NAT10: variants seen among roughly 807,000 people sequenced by gnomAD.
NAT10 encodes RNA cytidine acetyltransferase.
Under a neutral mutation model 132.2 loss-of-function variants are expected in NAT10, and 109 were observed. The ratio of observed to expected loss-of-function variants is 0.82; its 90% CI spans 0.71 to 0.97. The LOEUF is 0.97. Ranked by LOEUF, NAT10 falls within the 50% of genes least tolerant of loss-of-function variation. The probability of loss-of-function intolerance (pLI) is 0.00; values close to 1 mark genes in which losing one functional copy is unlikely to be tolerated. For missense variants in NAT10, 1,184 were observed against 1,263.4 expected (o/e 0.94, Z 0.95); for synonymous variants, 479 against 478.0 (o/e 1.00, Z -0.03).
intron 23 of NAT10, 57 bp from the exon 24 acceptor site, chr11:34,140,343 C>A: frequency 6.5e-7 from 1 of 1,534,600 alleles, no homozygotes; most frequent in Admixed American, 1.7e-5. Flanking sequence ...GGGCTGTGTG[C>A]TATCTCATGA....
intron 4 of NAT10, 36 bp downstream of exon 4, chr11:34,112,259 A>T: frequency 6.2e-7 from 1 of 1,613,308 alleles, no homozygotes. Context: ...TTGAAGTCAG[A>T]GTCTTGAGGG....
intron 5 of NAT10, among the ~76,000 whole-genome samples, chr11:34,114,819 T>A (rs575406440): frequency 4.6e-5 from 7 of 152,252 alleles, no homozygotes; most frequent in African/African-American, 1.7e-4. Flanking sequence ...GACCTAAAGT[T>A]ATTATTATTA....
chr11:34,118,363 T>C (rs761415407), intron 7 of NAT10, 33 bp from the exon 8 acceptor site: 2 of 1,611,268 alleles, frequency 1.2e-6, no homozygotes, highest in Non-Finnish European at 8.5e-7. Flanking sequence ...CCTGTGACAG[T>C]GACAGACCTT....
chr11:34,141,164 C>T lies in NAT10; in HGVS notation c.2668C>T (p.Gln890Ter), dbSNP rs1246893673. 2 of 1,613,734 alleles carry T rather than the reference C, an allele frequency of 1.2e-6. No homozygotes were observed. Among genetic ancestry groups the T allele is most frequent in the African/African-American group, 2.7e-5 (2 of 74,764 alleles). Residue 890 changes from glutamine (Q) to a stop codon, truncating the protein, a stop_gained, in exon 25 of 29, where the codon CAG becomes TAG. Transcript: ENST00000257829. LOFTEE classifies it high-confidence loss of function. ...LEKEIELPSG[Q>*]LMGLFNRIIR... ...AAAGGAGATTGAGCTGCCCTCGGGC[C>T]AGTTGATGGGACTTTTCAACCGGAT...
Position 34,118,469 on chromosome 11 carries a change from G to C in NAT10, c.746G>C (p.Gly249Ala), listed in dbSNP as rs759420020. The C allele has an allele frequency of 6.2e-7, 1 of 1,614,088 alleles. No homozygotes were observed. Among genetic ancestry groups the C allele is most frequent in the Non-Finnish European group, 8.5e-7 (1 of 1,179,968 alleles). The stretch of plus-strand genomic sequence containing the variant: ...AGCTTGCAGGACACCCAGCCTGTGG[G>C]TGTGTTGGTGGACTGCTGTAAGACT... ...KESLQDTQPV[G>A]VLVDCCKTLD... The change falls in exon 8 of 29, where the codon GGT (glycine) becomes GCT (alanine). Residue 249 changes from glycine to alanine, a missense_variant. By Grantham distance (60) the Gly-to-Ala change is moderately conservative (BLOSUM62 0). Transcript: ENST00000257829.
intron 21 of NAT10, among the ~76,000 whole-genome samples, chr11:34,138,555 A>G (rs1047759403): frequency 1.3e-5 from 2 of 151,960 alleles, no homozygotes; most frequent in Admixed American, 1.3e-4. Flanking sequence ...CTGAGGATGT[A>G]AGTTTGGCTG....
chr11:34,140,347 C>G, intron 23 of NAT10, 53 bp from the exon 24 acceptor site: 1 of 1,558,950 alleles, frequency 6.4e-7, no homozygotes, highest in Admixed American at 1.7e-5. Flanking sequence ...TGTGTGCTAT[C>G]TCATGAGGGC....
intron 6 of NAT10, among the ~76,000 whole-genome samples, chr11:34,116,904 A>G (rs57492451): frequency 0.086 from 12,975 of 150,704 alleles, 573 homozygotes; most frequent in African/African-American, 0.094. Flanking sequence ...CATTTTTTGT[A>G]TTTTTAGTAG....
Position 34,132,169 on chromosome 11 carries a change from C to G in NAT10, c.1565C>G (p.Ser522Cys). 1 of 1,614,180 alleles carries G rather than the reference C, an allele frequency of 6.2e-7. No individual in the cohort carries two copies. The highest frequency in any genetic ancestry group is 8.5e-7 in the Non-Finnish European group (1 of 1,180,026). The change falls in exon 15 of 29, where the codon TCT (serine) becomes TGT (cysteine). Residue 522 changes from serine (S) to cysteine (C), a missense_variant. By Grantham distance (112) the Ser-to-Cys change is moderately radical. Transcript: ENST00000257829. ...RDTLFCYHKA[S>C]EVFLQRLMAL... ...ACCCTCTTTTGCTACCACAAGGCCT[C>G]TGAAGTTTTCCTCCAACGGCTTATG...
chr11:34,135,985 G>A (rs1852204376), intron 19 of NAT10, among the ~76,000 whole-genome samples: 2 of 151,942 alleles, frequency 1.3e-5, no homozygotes, highest in South Asian at 4.2e-4. Context: ...AAAAGTTCAA[G>A]CTCAGAGGTT....
Position 34,108,688 on chromosome 11 carries a change from C to T in NAT10, c.109-54C>T, listed in dbSNP as rs1398885897. The T allele has an allele frequency of 2.5e-5, 37 of 1,501,278 alleles. No individual in the cohort carries two copies. The East Asian group carries it at 4.8e-4, about 19-fold the overall frequency. 93.0% of individuals were successfully genotyped at this position (1,501,278 alleles called of 1,614,324 possible). The stretch of plus-strand genomic sequence containing the variant: ...CCGTCAAATGAGGTCTTAAGCCTGG[C>T]GGTCTCTAAAGTCTCTTTTGTGCCT... On this transcript the variant is annotated intron_variant, in intron 2 of 28. Transcript: ENST00000257829.
intron 14 of NAT10, among the ~76,000 whole-genome samples, 153 bp from the exon 15 acceptor site, chr11:34,131,972 A>G (rs935735668): frequency 6.6e-6 from 1 of 152,130 alleles, no homozygotes; most frequent in African/African-American, 2.4e-5. Flanking sequence ...GTGTGAGCCA[A>G]CGCGCCTGGC....
At chr11:34,134,254 A>G (rs892376256) in intron 16 of NAT10, 65 bp from the exon 17 acceptor site, 74 of 1,384,538 alleles carry the variant, frequency 5.3e-5, no homozygotes, top group Admixed American at 8.4e-5. Context: ...AACAAGCTAT[A>G]TTCTGTGAGT....
chr11:34,135,373 C>A, intron 19 of NAT10, 82 bp downstream of exon 19: 1 of 1,119,950 alleles, frequency 8.9e-7, no homozygotes, highest in Non-Finnish European at 1.3e-6. Context: ...CAACAAAAAC[C>A]AGTCCAGAGC....
rs971149308 is a variant in NAT10 at position 34,139,435 on chromosome 11, T to C, written c.2359T>C (p.Ser787Pro). 8 of 1,613,902 alleles carry C rather than the reference T, an allele frequency of 5.0e-6. No homozygotes were observed. In the African/African-American group the frequency reaches 1.1e-4, roughly 22 times the overall value. ...ALLSYQFSTF[S>P]PSLALNIIQN... ...GCTCTCCTACCAGTTCAGTACCTTC[T>C]CTCCTTCCCTGGCTCTGAACATCAT... is the stretch of plus-strand genomic sequence containing the variant. The change falls in exon 23 of 29, where the codon TCT becomes CCT. Residue 787 changes from serine (S) to proline (P), a missense_variant. Transcript: ENST00000257829.
rs781153327 is a variant in NAT10 at position 34,136,726 on chromosome 11, C to T, written c.2113C>T (p.Arg705Cys). 1.7e-5 allele frequency: 28 copies of T among 1,614,070 alleles called. 1 individual carries two copies. Among genetic ancestry groups the T allele is most frequent in the East Asian group, 8.9e-5 (4 of 44,890 alleles). The change falls in exon 20 of 29, where the codon CGC becomes TGC. Residue 705 changes from arginine (R) to cysteine (C), a missense_variant. By Grantham distance (180) the Arg-to-Cys change is radical. Coordinates refer to ENST00000257829, the MANE Select transcript of NAT10 (RefSeq NM_024662.3). Reference sequence around the variant, plus strand: ...CAAATTGAATGAGAGGCCTGCCGAACGCCTGGATTACCTGGGTGTTTCCTA... The same window carrying T: ...CAAATTGAATGAGAGGCCTGCCGAATGCCTGGATTACCTGGGTGTTTCCTA... ...LLKLNERPAE[R>C]LDYLGVSYGL...
chr11:34,136,140 G>T (rs1008012362), intron 19 of NAT10, among the ~76,000 whole-genome samples: 1 of 149,736 alleles, frequency 6.7e-6, no homozygotes. Context: ...GGAGTGTAAT[G>T]GCGTGATCTC....
intron 11 of NAT10, among the ~76,000 whole-genome samples, chr11:34,126,923 C>A (rs1852004357): frequency 6.6e-6 from 1 of 152,130 alleles, no homozygotes; most frequent in Non-Finnish European, 1.5e-5. Context: ...GGAGACTTGG[C>A]CCTTGTAATC....
chr11:34,112,090 T>TA lies in NAT10; in HGVS notation c.242dup (p.Asn82GlufsTer13). 6.2e-7 allele frequency: 1 copy of TA among 1,613,894 alleles called. No individual in the cohort carries two copies. Among genetic ancestry groups the TA allele is most frequent in the Non-Finnish European group, 8.5e-7 (1 of 1,179,970 alleles). On this transcript the variant is annotated frameshift_variant, in exon 4 of 29. Transcript: ENST00000257829. LOFTEE classifies it high-confidence loss of function. ...AGAATGCGACAGCTGCAGAAGAAAA[T>TA]AAAGAATGGAACACTGAACATAAAG...
Sources: gnomAD v4.1 joint callset for allele counts (sites outside exome capture counted in the v4.1 genomes callset) on GRCh38, gnomAD v4.1.1 for gene constraint, MANE v1.5 for transcripts, NCBI Gene and HGNC (gene_info 2026-07-23, HGNC 2026-07-21) for gene names.